Variants in PPP1R12A observed in about 807,000 individuals in gnomAD.
PPP1R12A encodes the protein myosin binding subunit.
Under a neutral mutation model 139.6 loss-of-function variants are expected in PPP1R12A, and 19 were observed. That is an observed-to-expected ratio of 0.14 (90% CI 0.09 to 0.20). The LOEUF is 0.20. PPP1R12A is among the 10% of genes least tolerant of loss of function. The pLI, the probability that PPP1R12A is intolerant of heterozygous loss-of-function variation, is 1.00. For synonymous variants in PPP1R12A, 427 were observed against 420.6 expected (o/e 1.02, Z -0.19); for missense variants, 925 against 1,211.5 (o/e 0.76, Z 3.51).
chr12:79,823,296 G>T (rs1430262229), intron 5 of PPP1R12A, among the ~76,000 whole-genome samples: 1 of 151,018 alleles, frequency 6.6e-6, no homozygotes, highest in Non-Finnish European at 1.5e-5. Context: ...AAAAAAAAAA[G>T]TTTTTAGCAA....
chr12:79,897,991 T>A (rs1290813549), intron 1 of PPP1R12A, among the ~76,000 whole-genome samples: 1 of 152,214 alleles, frequency 6.6e-6, no homozygotes, highest in East Asian at 1.9e-4. Context: ...TGGTCCTCAA[T>A]GACTTCACAC....
At chr12:79,815,661 T>C (rs1875275731) in intron 9 of PPP1R12A, among the ~76,000 whole-genome samples, 1 of 152,162 alleles carries the variant, frequency 6.6e-6, no homozygotes, top group Non-Finnish European at 1.5e-5. Context: ...ATGGGGGTCT[T>C]AGAAGTAAAA....
chr12:79,847,795 GGTGCTAACAAAAGAGAACAGAAGGGCAAT>G (rs911260496), intron 2 of PPP1R12A, among the ~76,000 whole-genome samples: 2 of 152,006 alleles, frequency 1.3e-5, no homozygotes, highest in African/African-American at 4.8e-5. Context: ...TGATTATGTA[GGTGCTAACAAAAGAGAACAGAAGGGCAAT>G]GTGCTGTAGG....
chr12:79,868,706 C>T (rs1187841468), intron 2 of PPP1R12A, among the ~76,000 whole-genome samples: 2 of 152,236 alleles, frequency 1.3e-5, no homozygotes, highest in Non-Finnish European at 2.9e-5. Flanking sequence ...CCATCAGCCT[C>T]ATTTTAACTT....
chr12:79,799,625 TATC>T (rs1332117143), intron 14 of PPP1R12A, among the ~76,000 whole-genome samples: 1 of 152,236 alleles, frequency 6.6e-6, no homozygotes, highest in African/African-American at 2.4e-5. Flanking sequence ...ACTTGGCATT[TATC>T]CTCACTAAAT....
intron 1 of PPP1R12A, among the ~76,000 whole-genome samples, chr12:79,930,154 T>C (rs1265143827): frequency 4.6e-5 from 7 of 152,058 alleles, no homozygotes; most frequent in African/African-American, 1.5e-4. Context: ...GAAAAGAGAA[T>C]GTGAATCTTG....
intron 1 of PPP1R12A, among the ~76,000 whole-genome samples, chr12:79,907,730 C>T (rs1886244258): frequency 6.6e-6 from 1 of 152,180 alleles, no homozygotes; most frequent in African/African-American, 2.4e-5. Flanking sequence ...AAGACTCCAC[C>T]TCTACAAAAA....
chr12:79,823,326 A>C (rs1441243721), intron 5 of PPP1R12A, among the ~76,000 whole-genome samples: 1 of 152,186 alleles, frequency 6.6e-6, no homozygotes, highest in African/African-American at 2.4e-5. Context: ...TAATTCTGAA[A>C]GAAAGTTAAA....
Position 79,934,970 on chromosome 12 carries a change from G to GA in PPP1R12A, c.-40_-39insT. The GA allele has an allele frequency of 6.5e-7, 1 of 1,544,178 alleles. No individual in the cohort carries two copies. The highest frequency in any genetic ancestry group is 8.8e-7 in the Non-Finnish European group (1 of 1,142,220). On this transcript the variant is annotated 5_prime_UTR_variant, in exon 1 of 25. Transcript: ENST00000450142. Reference sequence around the variant, plus strand: ...GCCGGGTCTTCTTATCGCGAGGGGGGGAAGGGGGAGGCGGAGAGGGAAGAG... The same window carrying GA: ...GCCGGGTCTTCTTATCGCGAGGGGGGAGAAGGGGGAGGCGGAGAGGGAAGAG...
intron 3 of PPP1R12A, among the ~76,000 whole-genome samples, chr12:79,843,197 G>A (rs778113172): frequency 6.6e-6 from 1 of 151,934 alleles, no homozygotes; most frequent in Non-Finnish European, 1.5e-5. Context: ...CACTTGGTTT[G>A]CTTTCATCTT....
intron 10 of PPP1R12A, among the ~76,000 whole-genome samples, chr12:79,809,434 T>C (rs1290655899): frequency 6.6e-6 from 1 of 152,180 alleles, no homozygotes; most frequent in Admixed American, 6.5e-5. Context: ...ATGTAACTTA[T>C]GAGTATACTA....
intron 2 of PPP1R12A, among the ~76,000 whole-genome samples, chr12:79,852,012 A>C (rs1880099051): frequency 6.6e-6 from 1 of 151,486 alleles, no homozygotes; most frequent in African/African-American, 2.4e-5. Flanking sequence ...CTATTTTTTC[A>C]TTTGTTTCAG....
At chr12:79,794,909 G>A (rs1872332273) in intron 18 of PPP1R12A, among the ~76,000 whole-genome samples, 1 of 152,052 alleles carries the variant, frequency 6.6e-6, no homozygotes, top group Non-Finnish European at 1.5e-5. Context: ...AACAGGCATA[G>A]TTAACTACGG....
At chr12:79,872,592 G>C (rs2698261) in intron 2 of PPP1R12A, among the ~76,000 whole-genome samples, 19 of 152,016 alleles carry the variant, frequency 1.2e-4, no homozygotes, top group Non-Finnish European at 2.5e-4. Context: ...ATGTTAATAC[G>C]AAGTACCAAA....
chr12:79,863,758 G>A (rs1382959350), intron 2 of PPP1R12A, among the ~76,000 whole-genome samples: 2 of 151,510 alleles, frequency 1.3e-5, no homozygotes, highest in Non-Finnish European at 2.9e-5. Context: ...TTACATAATG[G>A]TAAAGGGATC....
chr12:79,928,351 G>A (rs966130972), intron 1 of PPP1R12A, among the ~76,000 whole-genome samples: 1 of 152,174 alleles, frequency 6.6e-6, no homozygotes, highest in African/African-American at 2.4e-5. Flanking sequence ...GCAGCAGTGT[G>A]GGCACTGGTG....
intron 8 of PPP1R12A, among the ~76,000 whole-genome samples, chr12:79,820,138 A>G (rs1875917734): frequency 6.6e-6 from 1 of 152,188 alleles, no homozygotes; most frequent in South Asian, 2.1e-4. Flanking sequence ...AACTCATGAC[A>G]GTGATTGCCT....
At chr12:79,869,903 C>CTATTAT (rs200825139) in intron 2 of PPP1R12A, among the ~76,000 whole-genome samples, 13,525 of 145,354 alleles carry the variant, frequency 0.093, 1,231 homozygotes, top group East Asian at 0.25. Context: ...ACTATTGTCT[C>CTATTAT]TATTATTATT....
intron 23 of PPP1R12A, chr12:79,779,399 T>C (rs1331344268): frequency 5.0e-6 from 6 of 1,206,684 alleles, no homozygotes; most frequent in South Asian, 1.3e-5. Flanking sequence ...ACTGAAACTA[T>C]TTCCAAGACA....
Sources: allele counts gnomAD v4.1 joint callset (sites outside exome capture counted in the v4.1 genomes callset), GRCh38; gene constraint gnomAD v4.1.1; transcripts MANE v1.5; gene names NCBI Gene and HGNC (gene_info 2026-07-23, HGNC 2026-07-21).